LAMA5: variants seen among roughly 807,000 people sequenced by gnomAD.
LAMA5 encodes the protein laminin subunit alpha-5.
Under a neutral mutation model 433.4 loss-of-function variants are expected in LAMA5, and 260 were observed. The ratio of observed to expected loss-of-function variants is 0.60; its 90% confidence interval spans 0.54 to 0.66. LAMA5 has a LOEUF of 0.66. Among genes scored for constraint, LAMA5 ranks in the 30% least tolerant of loss-of-function variants. The probability of loss-of-function intolerance (pLI) is 0.00; values close to 1 mark genes in which losing one functional copy is unlikely to be tolerated. For synonymous variants in LAMA5, 2,620 were observed against 2,226.6 expected, an observed-to-expected ratio of 1.18 and a Z score of -4.97; for missense variants, 5,378 against 5,258.5, an observed-to-expected ratio of 1.02 and a Z score of -0.70.
chr20:62,340,318 T>TTG (rs891791459), intron 11 of LAMA5, among the ~76,000 whole-genome samples: 1 of 145,548 alleles, frequency 6.9e-6, no homozygotes, highest in Non-Finnish European at 1.5e-5. Context: ...TTTTTTTTTT[T>TTG]TTTTTTTTTT....
At position 62,347,153 on chromosome 20, in the gene LAMA5, C is replaced by A. The variant is rs1035289003; in HGVS notation, c.957-125G>T. 7 of 686,992 alleles carry A rather than the reference C, an allele frequency of 1.0e-5. No homozygotes were observed. In the Admixed American group the frequency reaches 1.7e-4, roughly 17 times the overall value. 42.6% of individuals were successfully genotyped at this position (686,992 alleles called of 1,614,324 possible). On this transcript the variant is annotated intron_variant, in intron 6 of 79. Coordinates refer to ENST00000252999, the MANE Select transcript of LAMA5 (RefSeq NM_005560.6). Reference sequence around the variant, plus strand: ...GGCTTGCCACATGGACACGGCCCCCCGCTGCTGTTTCTCCAGCTGTCCGGC... The same window carrying A: ...GGCTTGCCACATGGACACGGCCCCCAGCTGCTGTTTCTCCAGCTGTCCGGC...
At chr20:62,354,449 C>T (rs777475827) in intron 2 of LAMA5, among the ~76,000 whole-genome samples, 1 of 151,826 alleles carries the variant, frequency 6.6e-6, no homozygotes, top group Non-Finnish European at 1.5e-5. Flanking sequence ...TCTGCACCCA[C>T]CCGACATGAC....
intron 78 of LAMA5, 42 bp downstream of exon 78, chr20:62,309,946 G>A (rs1177714196): frequency 2.5e-6 from 4 of 1,606,204 alleles, no homozygotes; most frequent in African/African-American, 2.7e-5. Flanking sequence ...TCTGCAGAAG[G>A]GTGGGGGTGG....
chr20:62,340,305 GTTT>G (rs34415039), intron 11 of LAMA5, among the ~76,000 whole-genome samples: 1,094 of 99,404 alleles, frequency 0.011, 9 homozygotes, highest in African/African-American at 0.037. Flanking sequence ...AGCCTCCTTT[GTTT>G]TTTTTTTTTT....
rs774019750 is a variant in LAMA5, at chr20:62,312,159, G to C, written c.9504+14C>G. ...ACCGCGGGGTGGGGAATGGGCACGG[G>C]TGTGAGGTCTCACCGGGGACGCCCG... On this transcript the variant is annotated intron_variant, in intron 69 of 79. Coordinates refer to ENST00000252999, the MANE Select transcript of LAMA5 (RefSeq NM_005560.6). The C allele has an allele frequency of 1.2e-6, 2 of 1,610,762 alleles. No homozygotes were observed. Among genetic ancestry groups the C allele is most frequent in the Non-Finnish European group, 1.7e-6 (2 of 1,179,222 alleles).
intron 1 of LAMA5, among the ~76,000 whole-genome samples, chr20:62,364,994 C>A (rs781083559): frequency 6.6e-6 from 1 of 152,288 alleles, no homozygotes; most frequent in Non-Finnish European, 1.5e-5. Flanking sequence ...ACTTCTCACA[C>A]GCCCAATCCG....
intron 2 of LAMA5, among the ~76,000 whole-genome samples, chr20:62,354,487 G>C (rs1984864586): frequency 6.6e-6 from 1 of 151,956 alleles, no homozygotes; most frequent in Non-Finnish European, 1.5e-5. Context: ...GCACCTGGGG[G>C]TGCACACACA....
chr20:62,337,742 AG>A lies in LAMA5; in HGVS notation c.2027-16del. 3 of 1,607,788 alleles carry A rather than the reference AG, an allele frequency of 1.9e-6. No homozygotes were observed. Among genetic ancestry groups the A allele is most frequent in the Non-Finnish European group, 2.5e-6 (3 of 1,176,716 alleles). On this transcript the variant is annotated splice_polypyrimidine_tract_variant and intron_variant, in intron 15 of 79. Coordinates refer to ENST00000252999, the MANE Select transcript of LAMA5 (RefSeq NM_005560.6). ...GCAGTGGCAGGCTGCAGACAAGGAT[AG>A]CTGTGGGCACGCAGTGGAGACTGCA...
intron 53 of LAMA5, 94 bp downstream of exon 53, chr20:62,318,338 GGAGGACGGAGGGAGGGGAGGAC>G: frequency 2.6e-6 from 1 of 383,492 alleles, no homozygotes; most frequent in Admixed American, 4.1e-5. Context: ...ACGAGGGAGG[GGAGGACGGAGGGAGGGGAGGAC>G]GAGGGGAGGG....
At chr20:62,357,038 T>TG (rs1568983767) in intron 2 of LAMA5, among the ~76,000 whole-genome samples, 1 of 152,056 alleles carries the variant, frequency 6.6e-6, no homozygotes, top group Non-Finnish European at 1.5e-5. Context: ...GGGGATGGCG[T>TG]GGGGTTGTTG....
intron 50 of LAMA5, 28 bp downstream of exon 50, chr20:62,320,531 G>T (rs1987574397): frequency 6.5e-7 from 1 of 1,543,290 alleles, no homozygotes; most frequent in African/African-American, 1.4e-5. Context: ...AAGCCTCCCG[G>T]GGCCCTGGGG....
At chr20:62,310,358 A>G in intron 76 of LAMA5, 47 bp from the exon 77 acceptor site, 1 of 1,570,984 alleles carries the variant, frequency 6.4e-7, no homozygotes, top group African/African-American at 1.4e-5. Context: ...GCCCCTCCCC[A>G]GAACCTCCTG....
rs769731071 is a variant in LAMA5, at chr20:62,338,479, G to A, written c.1607C>T (p.Pro536Leu). ...GAGAGGGGACTCACGCTGGCAGCCGGGGCCGTAGAACCCTGGCGCGCAGAG... is the reference window on the plus strand; with the variant it reads ...GAGAGGGGACTCACGCTGGCAGCCGAGGCCGTAGAACCCTGGCGCGCAGAG... ...CELCAPGFYGPGCQPCQCSSP... is the reference protein window; with the variant it reads ...CELCAPGFYGLGCQPCQCSSP... Residue 536 changes from proline (P) to leucine (L), a missense_variant, in exon 12 of 80, where the codon CCC (proline) becomes CTC (leucine). Coordinates refer to ENST00000252999, the MANE Select transcript of LAMA5 (RefSeq NM_005560.6). The A allele has an allele frequency of 1.1e-5, 18 of 1,608,590 alleles. No individual in the cohort carries two copies. The highest frequency in any genetic ancestry group is 1.4e-5 in the Non-Finnish European group (17 of 1,178,570).
chr20:62,327,120 C>T (rs1169290774), intron 38 of LAMA5, 113 bp downstream of exon 38: 10 of 1,187,912 alleles, frequency 8.4e-6, no homozygotes, highest in Admixed American at 2.8e-5. Context: ...GGCACCCTCA[C>T]GGACCCCCAT....
At chr20:62,349,326 C>A (rs1172825298) in intron 6 of LAMA5, among the ~76,000 whole-genome samples, 3 of 145,102 alleles carry the variant, frequency 2.1e-5, no homozygotes, top group African/African-American at 7.6e-5. Context: ...AAATCCCAAT[C>A]CTCAACACAT....
intron 24 of LAMA5, 25 bp downstream of exon 24, chr20:62,333,539 G>A (rs1456313546): frequency 6.4e-7 from 1 of 1,570,328 alleles, no homozygotes; most frequent in Admixed American, 1.9e-5. Context: ...CCGGCCCCCA[G>A]CCCTCACTCT....
intron 31 of LAMA5, 48 bp from the exon 32 acceptor site, chr20:62,329,964 C>T (rs1282024282): frequency 1.3e-6 from 2 of 1,593,270 alleles, no homozygotes; most frequent in African/African-American, 2.7e-5. Flanking sequence ...CTAGCGCCCC[C>T]AAGACACCCA....
rs1980255358 is a variant in LAMA5 at position 62,330,874 on chromosome 20, G to A, written c.3721C>T (p.Pro1241Ser). ...PIILRDCQVI[P>S]LPPGLPLTHA... is the part of the protein sequence containing the mutation. ...GTCAGCGGGAGGCCGGGCGGCAGCG[G>A]GATCACCTGGCAGTCCCTGAGGATG... Residue 1241 changes from proline to serine, a missense_variant, in exon 30 of 80, where the codon CCG becomes TCG. Coordinates refer to ENST00000252999, the MANE Select transcript of LAMA5 (RefSeq NM_005560.6). The A allele has an allele frequency of 6.5e-7, 1 of 1,541,676 alleles. No homozygotes were observed. The highest frequency in any genetic ancestry group is 1.4e-5 in the African/African-American group (1 of 72,864).
intron 11 of LAMA5, among the ~76,000 whole-genome samples, chr20:62,342,777 T>C (rs1317727483): frequency 6.6e-6 from 1 of 152,226 alleles, no homozygotes; most frequent in African/African-American, 2.4e-5. Context: ...GTAAATAATT[T>C]CTGTGATTTT....
Sources: gnomAD v4.1 joint callset for allele counts (sites outside exome capture counted in the v4.1 genomes callset) on GRCh38, gnomAD v4.1.1 for gene constraint, MANE v1.5 for transcripts, NCBI Gene and HGNC (gene_info 2026-07-23, HGNC 2026-07-21) for gene names.